The following SCOC variants were observed in gnomAD, a reference collection of about 807,000 sequenced individuals.
The protein encoded by SCOC is short coiled-coil protein, also known as short coiled coil protein.
Under a neutral mutation model 9.9 loss-of-function variants are expected in SCOC, and 7 were observed. That is an observed-to-expected ratio of 0.71 (90% CI 0.40 to 1.33). The LOEUF (loss-of-function observed/expected upper bound fraction) is 1.33, where lower values mean the gene tolerates loss of function less well. Among genes scored for constraint, SCOC ranks in the 40% most tolerant of loss-of-function variants. The pLI, the probability that SCOC is intolerant of heterozygous loss-of-function variation, is 0.01. For missense variants in SCOC, 66 were observed against 89.7 expected, an observed-to-expected ratio of 0.74 and a Z score of 1.07; for synonymous variants, 19 against 28.2, an observed-to-expected ratio of 0.67 and a Z score of 1.03.
At chr4:140,373,519 G>A (rs773676838), upstream of SCOC, 1 of 1,551,708 alleles carries the variant, frequency 6.4e-7, no homozygotes, top group South Asian at 1.2e-5. Context: ...TGGACGACTG[G>A]GGTGAGGCGG....
intron 1 of SCOC, among the ~76,000 whole-genome samples, chr4:140,317,058 C>T (rs1027833535): frequency 1.3e-5 from 2 of 152,100 alleles, no homozygotes; most frequent in Admixed American, 1.3e-4. Context: ...CAGGTTTCCA[C>T]GAACACTTCC....
At chr4:140,374,681 T>G (rs1162805068) in intron 1 of SCOC, among the ~76,000 whole-genome samples, 1 of 152,160 alleles carries the variant, frequency 6.6e-6, no homozygotes, top group Non-Finnish European at 1.5e-5. Context: ...CAGAGGAGTT[T>G]GACATCAGTG....
intron 1 of SCOC, among the ~76,000 whole-genome samples, chr4:140,260,981 C>T (rs1476489731): frequency 6.6e-6 from 1 of 152,110 alleles, no homozygotes; most frequent in Non-Finnish European, 1.5e-5. Context: ...ATATTAAGAG[C>T]TCTCTATGTT....
intron 1 of SCOC, among the ~76,000 whole-genome samples, chr4:140,374,555 A>T (rs1728248832): frequency 6.6e-6 from 1 of 152,154 alleles, no homozygotes; most frequent in African/African-American, 2.4e-5. Context: ...TTGAAACTGG[A>T]TTTATTTAAC....
At chr4:140,293,929 G>T (rs562788833) in intron 1 of SCOC, among the ~76,000 whole-genome samples, 42 of 152,308 alleles carry the variant, frequency 2.8e-4, no homozygotes, top group African/African-American at 9.9e-4. Context: ...AAAGCTTAGG[G>T]TGAGGGTTCC....
At chr4:140,306,644 C>G (rs979236717) in intron 1 of SCOC, among the ~76,000 whole-genome samples, 14 of 151,830 alleles carry the variant, frequency 9.2e-5, no homozygotes, top group African/African-American at 3.4e-4. Context: ...CAGAGACATC[C>G]CCAAACAGAG....
At chr4:140,306,903 C>CAATA (rs1484284787) in intron 1 of SCOC, among the ~76,000 whole-genome samples, 2 of 152,272 alleles carry the variant, frequency 1.3e-5, no homozygotes, top group Admixed American at 6.5e-5. Context: ...TGAAGTGAGG[C>CAATA]AATATTTGGG....
intron 1 of SCOC, among the ~76,000 whole-genome samples, chr4:140,270,914 T>A (rs1730830071): frequency 6.6e-6 from 1 of 152,146 alleles, no homozygotes; most frequent in African/African-American, 2.4e-5. Context: ...GAGAAGTAAG[T>A]CATATCTTCA....
intron 1 of SCOC, among the ~76,000 whole-genome samples, chr4:140,338,439 T>C (rs1733022024): frequency 6.6e-6 from 1 of 152,224 alleles, no homozygotes; most frequent in Admixed American, 6.5e-5. Context: ...GTGTTGTAAG[T>C]TCTGGCCAGG....
At chr4:140,303,467 G>A (rs1317764608) in intron 1 of SCOC, among the ~76,000 whole-genome samples, 1 of 152,206 alleles carries the variant, frequency 6.6e-6, no homozygotes, top group Non-Finnish European at 1.5e-5. Context: ...GGTGACTACA[G>A]AAGCCCCTGA....
chr4:140,324,929 C>A (rs1732602750), intron 1 of SCOC, among the ~76,000 whole-genome samples: 1 of 151,890 alleles, frequency 6.6e-6, no homozygotes, highest in African/African-American at 2.4e-5. Flanking sequence ...GATTTCAAGA[C>A]TTATTCAAAA....
intron 1 of SCOC, among the ~76,000 whole-genome samples, chr4:140,278,271 G>GAAAA (rs1279216785): frequency 6.6e-6 from 1 of 151,708 alleles, no homozygotes; most frequent in African/African-American, 2.4e-5. Flanking sequence ...TCTCACAGTG[G>GAAAA]AAAAGTGGAA....
intron 2 of SCOC, among the ~76,000 whole-genome samples, chr4:140,362,286 T>TTCTCCTTCTC (rs1491427716): frequency 5.6e-5 from 1 of 17,862 alleles, no homozygotes; most frequent in Non-Finnish European, 1.0e-4. Context: ...TACTTCTTCT[T>TTCTCCTTCTC]CTTCTTCTTC....
At chr4:140,274,532 G>A (rs1273622435) in intron 1 of SCOC, among the ~76,000 whole-genome samples, 2 of 152,180 alleles carry the variant, frequency 1.3e-5, no homozygotes, top group Non-Finnish European at 2.9e-5. Context: ...CTCGGCAGGT[G>A]CATCAGCTTC....
chr4:140,326,158 AG>A (rs1169050657), intron 1 of SCOC, among the ~76,000 whole-genome samples: 26 of 152,214 alleles, frequency 1.7e-4, no homozygotes, highest in African/African-American at 6.3e-4. Flanking sequence ...TCAGTGGTTC[AG>A]TGGTTAGCAG....
At chr4:140,305,076 T>G (rs551641069) in intron 1 of SCOC, among the ~76,000 whole-genome samples, 2 of 152,272 alleles carry the variant, frequency 1.3e-5, no homozygotes, top group African/African-American at 4.8e-5. Context: ...AGAATCCCCT[T>G]CAGGAGGTTT....
In SCOC at chr4:140,384,803, C is replaced by G. The variant is rs1560735435; in HGVS notation, c.*3699C>G. Reference sequence around the variant, plus strand: ...TTGTTATGGACTGAATGTGTCCTCCCAAAATTCTTAGGTTGAAATCCTAAC... The same window carrying G: ...TTGTTATGGACTGAATGTGTCCTCCGAAAATTCTTAGGTTGAAATCCTAAC... On this transcript the variant is annotated 3_prime_UTR_variant, in exon 4 of 4. Transcript: ENST00000608372. The G allele has an allele frequency of 2.0e-5, 3 of 152,076 alleles. No individual in the cohort carries two copies. The allele number at this position is 152,076 out of a possible 1,614,324, so 9.4% of individuals were successfully genotyped here. A position where few individuals can be genotyped will look rare whatever the true frequency, so the allele number is the denominator to read the frequency against.
rs536373999 is a variant in SCOC, at chr4:140,260,369, G to A, written c.-19+2959G>A. 2.0e-4 allele frequency among the ~76,000 whole-genome samples: 30 copies of A among 152,298 alleles called. 1 individual carries two copies. The South Asian group carries it at 4.6e-3, about 23-fold the overall frequency. On this transcript the variant is annotated intron_variant, in intron 1 of 4. Transcript: ENST00000394205. ...AAAGAAATGACAGTTCCAGAGTTTC[G>A]TTCCTGTGCATGTTGAAGTTGCACG...
chr4:140,373,574 C>T (rs767732623), upstream of SCOC: 11 of 1,551,628 alleles, frequency 7.1e-6, no homozygotes, highest in South Asian at 2.4e-5. Context: ...GATTGGCGGG[C>T]GAGCGGCTGG....
Sources: gnomAD v4.1 joint callset for allele counts (sites outside exome capture counted in the v4.1 genomes callset) on GRCh38, gnomAD v4.1.1 for gene constraint, MANE v1.5 for transcripts, NCBI Gene and HGNC (gene_info 2026-07-23, HGNC 2026-07-21) for gene names.